PAPOLG: variants seen among roughly 807,000 people sequenced by gnomAD.
The protein encoded by PAPOLG is PAP-gamma.
A neutral mutation model predicts 99.0 loss-of-function variants in PAPOLG; 40 were observed. The observed-to-expected ratio is 0.40, with a 90% CI of 0.31 to 0.53. PAPOLG has a LOEUF of 0.53. PAPOLG is among the 20% of genes least tolerant of loss of function. PAPOLG has a pLI of 0.41. For missense variants in PAPOLG, 675 were observed against 884.1 expected (o/e 0.76, Z 3.00); for synonymous variants, 310 against 299.3 (o/e 1.04, Z -0.37).
At chr2:60,764,964 G>C (rs954375535) in intron 3 of PAPOLG, among the ~76,000 whole-genome samples, 2 of 152,208 alleles carry the variant, frequency 1.3e-5, no homozygotes, top group African/African-American at 4.8e-5. Flanking sequence ...ATTCTGAGCA[G>C]ATGGAAATGC....
At chr2:60,760,925 G>C (rs1031304939) in intron 2 of PAPOLG, among the ~76,000 whole-genome samples, 2 of 152,210 alleles carry the variant, frequency 1.3e-5, no homozygotes, top group Non-Finnish European at 2.9e-5. Flanking sequence ...AGAAGTGCAA[G>C]GGCAGAGCAG....
chr2:60,799,042 A>T lies in PAPOLG; in HGVS notation c.*1882A>T, dbSNP rs2288712. On this transcript the variant is annotated 3_prime_UTR_variant, in exon 22 of 22. Transcript: ENST00000238714. ...TTTGGGATTGTTCTACAAATAGTCTATTTGAGCAAAAATGAATGATTATGA... is the reference window on the plus strand; with the variant it reads ...TTTGGGATTGTTCTACAAATAGTCTTTTTGAGCAAAAATGAATGATTATGA... 1.3e-5 allele frequency: 2 copies of T among 152,330 alleles called. No individual in the cohort carries two copies. The highest frequency in any genetic ancestry group is 2.9e-5 in the Non-Finnish European group (2 of 68,030). 9.4% of individuals were successfully genotyped at this position (152,330 alleles called of 1,614,324 possible).
intron 13 of PAPOLG, among the ~76,000 whole-genome samples, chr2:60,783,966 TTTTC>T (rs1379050797): frequency 1.3e-5 from 2 of 152,148 alleles, no homozygotes; most frequent in Admixed American, 6.5e-5. Context: ...TGAGTTTCTC[TTTTC>T]TTTGTTTTTA....
Position 60,797,399 on chromosome 2 carries a change from A to G in PAPOLG, c.*239A>G, listed in dbSNP as rs1671744038. The stretch of plus-strand genomic sequence containing the variant: ...ATCACCTGCTGTCAAATTGCCATCT[A>G]CAGTATTACAGCTTTGCATTTGGGG... On this transcript the variant is annotated 3_prime_UTR_variant, in exon 22 of 22. Coordinates refer to ENST00000238714, the MANE Select transcript of PAPOLG (RefSeq NM_022894.4). 3 of 520,430 alleles carry G rather than the reference A, an allele frequency of 5.8e-6. No individual in the cohort carries two copies. The highest frequency in any genetic ancestry group is 2.5e-5 in the South Asian group (1 of 39,300). The allele number at this position is 520,430 out of a possible 1,614,324, so 32.2% of individuals were successfully genotyped here.
rs1230939767 is a variant in PAPOLG at position 60,768,352 on chromosome 2, T to G, written c.247-118T>G. Reference sequence around the variant, plus strand: ...CCTGACCTCAGGTGATCCACCGGCCTTGGCCTCCTATAGTGCTGGGATTAC... The same window carrying G: ...CCTGACCTCAGGTGATCCACCGGCCGTGGCCTCCTATAGTGCTGGGATTAC... On this transcript the variant is annotated intron_variant, in intron 3 of 21. Coordinates refer to ENST00000238714, the MANE Select transcript of PAPOLG (RefSeq NM_022894.4). 3 of 980,534 alleles carry G rather than the reference T, an allele frequency of 3.1e-6. No homozygotes were observed. In the African/African-American group the frequency reaches 5.0e-5, roughly 16 times the overall value. The allele number at this position is 980,534 out of a possible 1,614,324, so 60.7% of individuals were successfully genotyped here. A position where few individuals can be genotyped will look rare whatever the true frequency, so the allele number is the denominator to read the frequency against.
intron 1 of PAPOLG, among the ~76,000 whole-genome samples, chr2:60,759,548 A>AT (rs762688164): frequency 2.6e-5 from 4 of 152,172 alleles, no homozygotes; most frequent in Non-Finnish European, 4.4e-5. Context: ...GAAGAGAATA[A>AT]TTAACTAGAA....
intron 3 of PAPOLG, among the ~76,000 whole-genome samples, chr2:60,766,906 C>A (rs1295075660): frequency 6.6e-6 from 1 of 152,068 alleles, no homozygotes; most frequent in East Asian, 1.9e-4. Context: ...AGGATCCTTA[C>A]CTCAGTAGTT....
At chr2:60,767,499 C>T (rs1670716927) in intron 3 of PAPOLG, among the ~76,000 whole-genome samples, 1 of 152,052 alleles carries the variant, frequency 6.6e-6, no homozygotes, top group Non-Finnish European at 1.5e-5. Context: ...GATGGTGTCT[C>T]ATTGTGTTGC....
chr2:60,756,591 C>G, intron 1 of PAPOLG, 96 bp downstream of exon 1: 1 of 1,302,088 alleles, frequency 7.7e-7, no homozygotes, highest in Middle Eastern at 2.8e-4. Context: ...CCCTTGCGCC[C>G]TGCACGCAGC....
chr2:60,760,113 T>A (rs746572766), intron 1 of PAPOLG, 21 bp from the exon 2 acceptor site: 1 of 1,608,298 alleles, frequency 6.2e-7, no homozygotes, highest in South Asian at 1.1e-5. Flanking sequence ...TTTGTTTCAT[T>A]TTTCTTATTT....
At chr2:60,789,844 C>G (rs1229183563) in intron 15 of PAPOLG, among the ~76,000 whole-genome samples, 1 of 152,182 alleles carries the variant, frequency 6.6e-6, no homozygotes, top group African/African-American at 2.4e-5. Flanking sequence ...AATCCCAGCA[C>G]TTTGGGAGGC....
intron 9 of PAPOLG, among the ~76,000 whole-genome samples, chr2:60,780,132 G>C (rs1166278368): frequency 6.6e-6 from 1 of 152,074 alleles, no homozygotes; most frequent in East Asian, 1.9e-4. Context: ...CTAAATTATC[G>C]GAATTAAATC....
At chr2:60,794,370 A>T in intron 19 of PAPOLG, 179 bp downstream of exon 19, 1 of 685,154 alleles carries the variant, frequency 1.5e-6, no homozygotes. Context: ...AATACGTCTG[A>T]AAATTTGAAT....
At chr2:60,761,702 T>G (rs1468241818) in intron 2 of PAPOLG, 39 bp from the exon 3 acceptor site, 1 of 1,532,494 alleles carries the variant, frequency 6.5e-7, no homozygotes, top group Non-Finnish European at 9.0e-7. Context: ...GTTTGTTCAT[T>G]TGTTTGTTTG....
At chr2:60,786,851 T>C in intron 13 of PAPOLG, 96 bp from the exon 14 acceptor site, 2 of 1,443,154 alleles carry the variant, frequency 1.4e-6, no homozygotes, top group South Asian at 2.8e-5. Flanking sequence ...AATGAACATG[T>C]AAAGCTTCGT....
chr2:60,787,098 T>A, intron 14 of PAPOLG, 32 bp downstream of exon 14: 1 of 1,490,954 alleles, frequency 6.7e-7, no homozygotes, highest in Non-Finnish European at 9.1e-7. Flanking sequence ...ACTTTATTTC[T>A]TAAATAATGT....
Position 60,793,957 on chromosome 2 carries a change from T to A in PAPOLG, c.1769-14T>A. 1.9e-6 allele frequency: 3 copies of A among 1,596,152 alleles called. No individual in the cohort carries two copies. Among genetic ancestry groups the A allele is most frequent in the Non-Finnish European group, 2.6e-6 (3 of 1,170,130 alleles). Reference sequence around the variant, plus strand: ...TAAATGTTTAATTATTAAAATCCTTTTTTTCCTTTTCAGAAGTTGACTCTA... The same window carrying A: ...TAAATGTTTAATTATTAAAATCCTTATTTTCCTTTTCAGAAGTTGACTCTA... On this transcript the variant is annotated splice_polypyrimidine_tract_variant and intron_variant, in intron 18 of 21. Coordinates refer to ENST00000238714, the MANE Select transcript of PAPOLG (RefSeq NM_022894.4).
At chr2:60,770,791 T>C (rs1670830040) in intron 6 of PAPOLG, among the ~76,000 whole-genome samples, 4 of 151,922 alleles carry the variant, frequency 2.6e-5, no homozygotes, top group Admixed American at 2.0e-4. Context: ...ACCTGGCTAA[T>C]TTTTTGTATT....
rs749468719 is a variant in PAPOLG, at chr2:60,775,019, CT to C, written c.605-12del. 94 of 1,611,658 alleles carry C rather than the reference CT, an allele frequency of 5.8e-5. No individual in the cohort carries two copies. The Admixed American group carries it at 1.5e-3, about 26-fold the overall frequency. On this transcript the variant is annotated splice_polypyrimidine_tract_variant and intron_variant, in intron 7 of 21. Coordinates refer to ENST00000238714, the MANE Select transcript of PAPOLG (RefSeq NM_022894.4). ...TTTGCTGCATAGTGAAAAATGAATG[CT>C]TTGTCTTTTTCAGGTTGTAGAGTTA...
Sources: gnomAD v4.1 joint callset for allele counts (sites outside exome capture counted in the v4.1 genomes callset) on GRCh38, gnomAD v4.1.1 for gene constraint, MANE v1.5 for transcripts, NCBI Gene and HGNC (gene_info 2026-07-23, HGNC 2026-07-21) for gene names.